Variants in NSD3 observed in about 807,000 individuals in gnomAD.
NSD3 encodes nuclear receptor binding SET domain protein 3.
Under a neutral mutation model 160.8 loss-of-function variants are expected in NSD3, and 24 were observed. The observed-to-expected ratio is 0.15, with a 90% CI of 0.11 to 0.21. The LOEUF (loss-of-function observed/expected upper bound fraction) is 0.21, where lower values mean the gene tolerates loss of function less well. NSD3 is among the 10% of genes least tolerant of loss of function. NSD3 has a pLI of 1.00. For synonymous variants in NSD3, 520 were observed against 600.0 expected (o/e 0.87, Z 1.95); for missense variants, 1,157 against 1,735.9 (o/e 0.67, Z 5.93).
rs1404816681 is a variant in NSD3 at position 38,299,458 on chromosome 8, T to C, written c.2744A>G (p.Lys915Arg). The C allele has an allele frequency of 6.2e-7, 1 of 1,610,010 alleles. No individual in the cohort carries two copies. The highest frequency in any genetic ancestry group is 1.1e-5 in the South Asian group (1 of 89,706). ...PMIPSSSASK[K>R]KCEKGGRLLC... The stretch of plus-strand genomic sequence containing the variant: ...TTGATTATTACCTTTCTCACATTTC[T>C]TTTTGGAAGCTGACGAAGAAGGAAT... Residue 915 changes from lysine (K) to arginine (R), a missense_variant, in exon 15 of 24, where the codon AAG becomes AGG. Lys to Arg is a conservative substitution (Grantham distance 26). Coordinates refer to ENST00000317025, the MANE Select transcript of NSD3 (RefSeq NM_023034.2).
In NSD3 at chr8:38,317,854, T is replaced by C; in HGVS notation, c.1855+1041A>G. ...ATGCCAATAATGATGATTGGCGAAA[T>C]CAAAATCGAAAACAAAGAAACTGTT... On this transcript the variant is annotated intron_variant, in intron 9 of 23. Transcript: ENST00000317025. The surrounding 1 kb of genome is among the most constrained non-coding windows in gnomAD (Gnocchi z 5.3). 6.5e-7 allele frequency: 1 copy of C among 1,546,266 alleles called. No homozygotes were observed. Among genetic ancestry groups the C allele is most frequent in the Non-Finnish European group, 8.7e-7 (1 of 1,144,704 alleles).
chr8:38,354,055 T>G (rs1164351892), intron 1 of NSD3, among the ~76,000 whole-genome samples: 1 of 152,248 alleles, frequency 6.6e-6, no homozygotes, highest in African/African-American at 2.4e-5. Flanking sequence ...AGTCTGTCAT[T>G]GCTTCCACCA....
chr8:38,292,579 G>A (rs943838080), intron 16 of NSD3, among the ~76,000 whole-genome samples: 3 of 150,922 alleles, frequency 2.0e-5, no homozygotes, highest in Admixed American at 6.6e-5. Flanking sequence ...TCAGGAGATC[G>A]AGACCATCCT....
At chr8:38,339,508 C>T (rs915116171) in intron 2 of NSD3, among the ~76,000 whole-genome samples, 13 of 152,066 alleles carry the variant, frequency 8.5e-5, no homozygotes, top group Admixed American at 4.6e-4. Flanking sequence ...AGGTGGATCA[C>T]GAGATCAAGA....
At chr8:38,331,855 A>C (rs1286956656) in intron 4 of NSD3, among the ~76,000 whole-genome samples, 1 of 151,616 alleles carries the variant, frequency 6.6e-6, no homozygotes, top group East Asian at 1.9e-4. Flanking sequence ...AAACAAAACA[A>C]AATAACATTC....
At chr8:38,343,455 A>T (rs1390270242) in intron 2 of NSD3, among the ~76,000 whole-genome samples, 1 of 152,066 alleles carries the variant, frequency 6.6e-6, no homozygotes, top group African/African-American at 2.4e-5. Flanking sequence ...TAATCCAAGC[A>T]GTTTGGGAGG....
intron 8 of NSD3, chr8:38,320,401 A>T (rs905590053): frequency 1.3e-5 from 2 of 152,158 alleles, no homozygotes; most frequent in African/African-American, 4.8e-5. Context: ...TGTGAGTTTA[A>T]TTTAAAGAAG....
intron 1 of NSD3, among the ~76,000 whole-genome samples, chr8:38,376,926 C>G (rs957180794): frequency 6.6e-6 from 1 of 152,032 alleles, no homozygotes; most frequent in African/African-American, 2.4e-5. Context: ...CTATTATTTA[C>G]TTATAATAGC....
At chr8:38,290,807 AC>A in intron 16 of NSD3, 130 bp from the exon 17 acceptor site, 2 of 755,042 alleles carry the variant, frequency 2.6e-6, no homozygotes, top group Non-Finnish European at 4.3e-6. Context: ...AACATAAAAT[AC>A]CACACATCAT....
intron 2 of NSD3, among the ~76,000 whole-genome samples, chr8:38,346,372 T>C (rs201628244): frequency 6.8e-5 from 10 of 147,272 alleles, no homozygotes; most frequent in East Asian, 5.8e-4. Context: ...TATATATGTA[T>C]ATATATGTAT....
intron 1 of NSD3, among the ~76,000 whole-genome samples, chr8:38,350,323 T>G (rs1487487052): frequency 3.9e-5 from 6 of 152,214 alleles, no homozygotes; most frequent in Admixed American, 3.3e-4. Flanking sequence ...GTGTTCCTAT[T>G]TCTCCACACC....
At chr8:38,331,632 C>T (rs1314463384) in intron 4 of NSD3, 47 bp from the exon 5 acceptor site, 1 of 1,591,166 alleles carries the variant, frequency 6.3e-7, no homozygotes, top group Admixed American at 1.8e-5. Context: ...TAAGCATTCA[C>T]ATCTACTTTG....
chr8:38,369,103 CTA>C (rs1811175124), intron 1 of NSD3, among the ~76,000 whole-genome samples: 1 of 152,044 alleles, frequency 6.6e-6, no homozygotes, highest in African/African-American at 2.4e-5. Context: ...TAATAATTTA[CTA>C]AGTTTATCTT....
At chr8:38,332,548 G>A (rs1161705180) in intron 4 of NSD3, among the ~76,000 whole-genome samples, 1 of 152,192 alleles carries the variant, frequency 6.6e-6, no homozygotes, top group Non-Finnish European at 1.5e-5. Context: ...CACAACATCT[G>A]AGAACTGCTG....
intron 1 of NSD3, among the ~76,000 whole-genome samples, chr8:38,361,764 A>G (rs1013024837): frequency 8.0e-5 from 12 of 150,622 alleles, no homozygotes; most frequent in African/African-American, 2.7e-4. Flanking sequence ...CAAAAAAAAA[A>G]AAAAAAAAAA....
chr8:38,277,130 C>T (rs1046783385), intron 22 of NSD3, among the ~76,000 whole-genome samples: 8 of 152,012 alleles, frequency 5.3e-5, no homozygotes, highest in African/African-American at 1.9e-4. Flanking sequence ...TTAGTAGAGA[C>T]GGGGTTTCAC....
At chr8:38,376,695 G>T (rs1248495653) in intron 1 of NSD3, among the ~76,000 whole-genome samples, 1 of 151,986 alleles carries the variant, frequency 6.6e-6, no homozygotes, top group Non-Finnish European at 1.5e-5. Context: ...CCTTGGCCCC[G>T]CAAAGTGCTG....
rs1232529394 is a variant in NSD3 at position 38,272,266 on chromosome 8, A to G, written c.*3375T>C. 6.6e-6 allele frequency: 1 copy of G among 152,284 alleles called. No homozygotes were observed. Among genetic ancestry groups the G allele is most frequent in the African/African-American group, 2.4e-5 (1 of 41,482 alleles). The allele number at this position is 152,284 out of a possible 1,614,324, so 9.4% of individuals were successfully genotyped here. A position where few individuals can be genotyped will look rare whatever the true frequency, so the allele number is the denominator to read the frequency against. ...TTGTACAGAAAATCCCAAATTTTAA[A>G]TGATTCCCCAACTCAGCCAGTTCTA... is the stretch of plus-strand genomic sequence containing the variant. On this transcript the variant is annotated 3_prime_UTR_variant, in exon 24 of 24. Transcript: ENST00000317025.
chr8:38,337,283 A>G, intron 4 of NSD3, 22 bp downstream of exon 4: 5 of 1,564,040 alleles, frequency 3.2e-6, no homozygotes, highest in Non-Finnish European at 4.3e-6. Flanking sequence ...TTTACTTAGT[A>G]TCTGTTTATG....
Sources: allele counts gnomAD v4.1 joint callset (sites outside exome capture counted in the v4.1 genomes callset), GRCh38; gene constraint gnomAD v4.1.1; non-coding constraint Gnocchi (gnomAD v3.1); transcripts MANE v1.5; gene names NCBI Gene and HGNC (gene_info 2026-07-23, HGNC 2026-07-21).